HTATIP2: variants seen among roughly 807,000 people sequenced by gnomAD.
HTATIP2 encodes protein HTATIP2.
Under a neutral mutation model 24.7 loss-of-function variants are expected in HTATIP2, and 26 were observed. The ratio of observed to expected loss-of-function variants is 1.05; its 90% CI spans 0.77 to 1.46. The LOEUF (loss-of-function observed/expected upper bound fraction) is 1.46. Among genes scored for constraint, HTATIP2 ranks in the 40% most tolerant of loss-of-function variants. The probability of loss-of-function intolerance (pLI) is 0.00; values close to 1 mark genes in which losing one functional copy is unlikely to be tolerated. For synonymous variants in HTATIP2, 99 were observed against 113.2 expected, an observed-to-expected ratio of 0.87 and a Z score of 0.79; for missense variants, 284 against 289.6, an observed-to-expected ratio of 0.98 and a Z score of 0.14.
At chr11:20,368,001 G>C (rs1323757066) in intron 2 of HTATIP2, among the ~76,000 whole-genome samples, 1 of 152,010 alleles carries the variant, frequency 6.6e-6, no homozygotes, top group African/African-American at 2.4e-5. Flanking sequence ...TATTCCTCTG[G>C]CAGAATTTAC....
At chr11:20,365,345 C>T (rs1422717102) in intron 1 of HTATIP2, among the ~76,000 whole-genome samples, 1 of 152,152 alleles carries the variant, frequency 6.6e-6, no homozygotes, top group Non-Finnish European at 1.5e-5. Flanking sequence ...CTTGTCATGA[C>T]CCCCTAAATA....
At chr11:20,368,603 C>T (rs1038271421) in intron 2 of HTATIP2, among the ~76,000 whole-genome samples, 3 of 152,208 alleles carry the variant, frequency 2.0e-5, no homozygotes, top group African/African-American at 7.2e-5. Context: ...CCTCCAAAAG[C>T]ATTGAAAAAC....
At chr11:20,372,543 TTTAATTA>T (rs2064782749) in intron 2 of HTATIP2, among the ~76,000 whole-genome samples, 1 of 152,184 alleles carries the variant, frequency 6.6e-6, no homozygotes, top group African/African-American at 2.4e-5. Context: ...TGGGAACTTA[TTTAATTA>T]ATTCCTTTTT....
intron 3 of HTATIP2, among the ~76,000 whole-genome samples, chr11:20,381,669 A>G (rs1848523471): frequency 6.6e-6 from 1 of 152,092 alleles, no homozygotes; most frequent in African/African-American, 2.4e-5. Context: ...GATGCCTGCC[A>G]TGAAAATGCA....
At chr11:20,364,504 C>A in intron 1 of HTATIP2, 72 bp downstream of exon 1, 1 of 1,319,318 alleles carries the variant, frequency 7.6e-7, no homozygotes, top group South Asian at 1.4e-5. Flanking sequence ...TGCCTAAAGG[C>A]TGAATACTGC....
chr11:20,372,479 T>C (rs1330889018), intron 2 of HTATIP2, among the ~76,000 whole-genome samples: 2 of 152,218 alleles, frequency 1.3e-5, no homozygotes, highest in Non-Finnish European at 2.9e-5. Context: ...CTCTACTGAG[T>C]GTAGTATACT....
rs1359998205 is a variant in HTATIP2 at position 20,383,185 on chromosome 11, C to G, written c.709C>G (p.His237Asp). The G allele has an allele frequency of 6.2e-7, 1 of 1,613,652 alleles. No individual in the cohort carries two copies. Among genetic ancestry groups the G allele is most frequent in the Admixed American group, 1.7e-5 (1 of 59,956 alleles). ...GGCCATCCATGACCTGGGGAAAGCGCATGGCTCTCTCAAGCCATGACCACA... is the reference window on the plus strand; with the variant it reads ...GGCCATCCATGACCTGGGGAAAGCGGATGGCTCTCTCAAGCCATGACCACA... ...NKAIHDLGKA[H>D]GSLKP Residue 237 changes from histidine (H) to aspartate (D), a missense_variant, in exon 5 of 5, where the codon CAT (histidine) becomes GAT (aspartate). Coordinates refer to ENST00000451739, the MANE Select transcript of HTATIP2 (RefSeq NM_001098522.2).
At position 20,363,749 on chromosome 11, in the gene HTATIP2, G is replaced by A; in HGVS notation, c.-489G>A. 8.1e-7 allele frequency: 1 copy of A among 1,235,480 alleles called. No homozygotes were observed. Among genetic ancestry groups the A allele is most frequent in the East Asian group, 3.2e-5 (1 of 31,588 alleles). 76.5% of individuals were successfully genotyped at this position (1,235,480 alleles called of 1,614,324 possible). On this transcript the variant is annotated 5_prime_UTR_variant, in exon 1 of 5. Coordinates refer to ENST00000451739, the MANE Select transcript of HTATIP2 (RefSeq NM_001098522.2). Reference sequence around the variant, plus strand: ...CGAGGCCACCCGGAAGACCAAGCCGGGTAGGCGCTGTCTCCGTCGCCTCCA... The same window carrying A: ...CGAGGCCACCCGGAAGACCAAGCCGAGTAGGCGCTGTCTCCGTCGCCTCCA...
intron 3 of HTATIP2, among the ~76,000 whole-genome samples, chr11:20,377,375 G>C (rs970510940): frequency 6.6e-6 from 1 of 152,088 alleles, no homozygotes; most frequent in African/African-American, 2.4e-5. Flanking sequence ...GAGCCACTGC[G>C]TCTGGCCTCA....
At chr11:20,369,565 C>T (rs1015636657) in intron 2 of HTATIP2, among the ~76,000 whole-genome samples, 2 of 152,208 alleles carry the variant, frequency 1.3e-5, no homozygotes, top group Non-Finnish European at 1.5e-5. Flanking sequence ...GCAGGCTGGT[C>T]AGTGCTCTGA....
chr11:20,375,627 A>G (rs961891397), intron 2 of HTATIP2, among the ~76,000 whole-genome samples: 1 of 152,254 alleles, frequency 6.6e-6, no homozygotes, highest in African/African-American at 2.4e-5. Flanking sequence ...CTACTACTCT[A>G]AGACCTCATT....
chr11:20,378,772 T>C (rs527330550), intron 3 of HTATIP2, among the ~76,000 whole-genome samples: 181 of 152,308 alleles, frequency 1.2e-3, no homozygotes, highest in African/African-American at 4.1e-3. Context: ...GCACGGTGGC[T>C]CACGCCTGTA....
chr11:20,368,620 T>A (rs1437344327), intron 2 of HTATIP2, among the ~76,000 whole-genome samples: 1 of 152,250 alleles, frequency 6.6e-6, no homozygotes, highest in Non-Finnish European at 1.5e-5. Flanking sequence ...AAACTTTTGT[T>A]CCAGGACACT....
intron 1 of HTATIP2, among the ~76,000 whole-genome samples, chr11:20,365,053 G>T (rs547482028): frequency 6.7e-6 from 1 of 149,146 alleles, no homozygotes; most frequent in South Asian, 2.1e-4. Flanking sequence ...GCACGATCTC[G>T]GCTCAGTGCA....
chr11:20,367,452 A>T, intron 2 of HTATIP2, 171 bp downstream of exon 2: 1 of 1,482,964 alleles, frequency 6.7e-7, no homozygotes, highest in Non-Finnish European at 8.9e-7. Flanking sequence ...AATAGTACTG[A>T]TAAGTTCGTC....
intron 3 of HTATIP2, among the ~76,000 whole-genome samples, chr11:20,378,208 A>G (rs1006199142): frequency 2.6e-5 from 4 of 152,206 alleles, no homozygotes; most frequent in Non-Finnish European, 2.9e-5. Flanking sequence ...TTTGAACCAG[A>G]TGAAGATCAG....
intron 1 of HTATIP2, 36 bp from the exon 2 acceptor site, chr11:20,367,138 T>C (rs1353238851): frequency 1.9e-5 from 31 of 1,607,416 alleles, no homozygotes; most frequent in Non-Finnish European, 2.6e-5. Flanking sequence ...GTTGTTTAAA[T>C]AACATGAAAC....
chr11:20,380,923 A>G (rs931133707), intron 3 of HTATIP2, among the ~76,000 whole-genome samples: 29 of 152,206 alleles, frequency 1.9e-4, no homozygotes, highest in African/African-American at 6.5e-4. Flanking sequence ...ACAGTCACAA[A>G]AGACCACGAA....
At chr11:20,378,713 T>C (rs1301566553) in intron 3 of HTATIP2, among the ~76,000 whole-genome samples, 1 of 152,178 alleles carries the variant, frequency 6.6e-6, no homozygotes, top group Admixed American at 6.5e-5. Flanking sequence ...TTATGTGCAT[T>C]TGCGTGGAAA....
Sources: allele counts gnomAD v4.1 joint callset (sites outside exome capture counted in the v4.1 genomes callset), GRCh38; gene constraint gnomAD v4.1.1; transcripts MANE v1.5; gene names NCBI Gene and HGNC (gene_info 2026-07-23, HGNC 2026-07-21).